Variants in GALNT9 observed in about 807,000 individuals in gnomAD.
GALNT9 encodes the protein GalNAc transferase 9.
In GALNT9, 47 loss-of-function variants were observed where a neutral mutation model predicts 63.1. The ratio of observed to expected loss-of-function variants is 0.75; its 90% CI spans 0.59 to 0.95. The LOEUF (loss-of-function observed/expected upper bound fraction) is 0.95. Ranked by LOEUF, GALNT9 falls within the 40% of genes least tolerant of loss-of-function variation. The pLI, the probability that GALNT9 is intolerant of heterozygous loss-of-function variation, is 0.00. For synonymous variants in GALNT9, 396 were observed against 365.7 expected (o/e 1.08, Z -0.94); for missense variants, 829 against 874.8 (o/e 0.95, Z 0.66).
chr12:132,197,268 A>G lies in GALNT9; in HGVS notation c.1666-15T>C, dbSNP rs61742577. The G allele has an allele frequency of 7.4e-3, 11,907 of 1,608,998 alleles. 421 individuals carry two copies. The highest frequency in any genetic ancestry group is 0.073 in the South Asian group (6,674 of 90,874). On this transcript the variant is annotated splice_polypyrimidine_tract_variant and intron_variant, in intron 10 of 10. Coordinates refer to ENST00000328957, the MANE Select transcript of GALNT9 (RefSeq NM_001122636.2). ...ATGGGGCCACTCTGTGGGGACAGGC[A>G]CATCAAGTCAGCCAGGTGCAGGCGT... is the stretch of plus-strand genomic sequence containing the variant.
intron 6 of GALNT9, among the ~76,000 whole-genome samples, chr12:132,229,974 T>C (rs1877831210): frequency 6.6e-6 from 1 of 152,092 alleles, no homozygotes. Flanking sequence ...ACACAAAGAA[T>C]GCACATTCCC....
At chr12:132,225,696 TAC>T (rs1468814728) in intron 6 of GALNT9, among the ~76,000 whole-genome samples, 13 of 104,304 alleles carry the variant, frequency 1.2e-4, no homozygotes, top group African/African-American at 5.0e-4. Context: ...ACACACCCCA[TAC>T]ACACACTGTA....
At chr12:132,288,469 A>G (rs1004682367) in intron 1 of GALNT9, among the ~76,000 whole-genome samples, 1 of 152,276 alleles carries the variant, frequency 6.6e-6, no homozygotes, top group Admixed American at 6.5e-5. Context: ...CACTTTGGAA[A>G]GTCTGGAATT....
chr12:132,329,319 G>A lies in GALNT9; in HGVS notation c.-116C>T. The A allele has an allele frequency of 7.1e-7, 1 of 1,407,128 alleles. No individual in the cohort carries two copies. Among genetic ancestry groups the A allele is most frequent in the South Asian group, 1.5e-5 (1 of 67,348 alleles). The allele number at this position is 1,407,128 out of a possible 1,614,324, so 87.2% of individuals were successfully genotyped here. A position where few individuals can be genotyped will look rare whatever the true frequency, so the allele number is the denominator to read the frequency against. ...GCCGCCCGGGGCTGCGGGGGCTGCG[G>A]GGCTCGGCCGGAGCTGTCCCTTCAG... On this transcript the variant is annotated 5_prime_UTR_variant, in exon 1 of 11. Coordinates refer to ENST00000328957, the MANE Select transcript of GALNT9 (RefSeq NM_001122636.2).
chr12:132,259,560 C>T (rs1198959406), intron 4 of GALNT9, among the ~76,000 whole-genome samples: 2 of 152,172 alleles, frequency 1.3e-5, no homozygotes, highest in Non-Finnish European at 2.9e-5. Context: ...GACTGAGATG[C>T]CCCAGGAAAG....
intron 1 of GALNT9, among the ~76,000 whole-genome samples, chr12:132,324,869 T>A (rs1868969065): frequency 6.6e-6 from 1 of 152,208 alleles, no homozygotes; most frequent in Non-Finnish European, 1.5e-5. Context: ...GAAGGCAGCC[T>A]GGGGAGATAC....
chr12:132,207,391 G>A (rs148503268), intron 6 of GALNT9, among the ~76,000 whole-genome samples: 4,937 of 152,292 alleles, frequency 0.032, 254 homozygotes, highest in African/African-American at 0.11. Context: ...AGCCACTTAC[G>A]GCCACTCTGT....
At chr12:132,229,560 G>A (rs1183209324) in intron 6 of GALNT9, among the ~76,000 whole-genome samples, 8 of 152,220 alleles carry the variant, frequency 5.3e-5, no homozygotes, top group South Asian at 2.1e-4. Context: ...GCACAGCCCC[G>A]CAGTAAGTCC....
Position 132,295,871 on chromosome 12 carries a change from C to T in GALNT9, c.239-9441G>A, listed in dbSNP as rs574450486. 3.9e-3 allele frequency among the ~76,000 whole-genome samples: 514 copies of T among 132,988 alleles called. 13 individuals carry two copies. The highest frequency in any genetic ancestry group is 0.014 in the African/African-American group (478 of 33,592). The allele number at this position is 132,988 out of a possible 152,430, so 87.2% of individuals were successfully genotyped here. On this transcript the variant is annotated intron_variant, in intron 1 of 10. Transcript: ENST00000328957. ...AACAGGGACGGCCTCCGAACAGGGA[C>T]GGCCTCCGGAACAGGGAGAGCCTCC... is the stretch of plus-strand genomic sequence containing the variant.
At chr12:132,293,923 T>A (rs1380483942) in intron 1 of GALNT9, among the ~76,000 whole-genome samples, 1 of 152,270 alleles carries the variant, frequency 6.6e-6, no homozygotes, top group Non-Finnish European at 1.5e-5. Flanking sequence ...GGACCCCATC[T>A]ACAGTCGGAG....
rs1593073430 is a variant in GALNT9, at chr12:132,230,288, G to GGAA, written c.1077+17621_1077+17622insTTC. Among the ~76,000 whole-genome samples, 10 of 152,334 alleles carry GGAA rather than the reference G, an allele frequency of 6.6e-5. No homozygotes were observed. In the East Asian group the frequency reaches 1.9e-3, roughly 29 times the overall value. On this transcript the variant is annotated intron_variant, in intron 6 of 10. Transcript: ENST00000328957. ...GTGATGGGGGCCGCCACACAGGACA[G>GGAA]CATCCGCCTTCCCGAGTTCCTGACC...
chr12:132,318,067 C>T (rs1026625570), intron 1 of GALNT9, among the ~76,000 whole-genome samples: 5 of 152,236 alleles, frequency 3.3e-5, no homozygotes, highest in Admixed American at 1.3e-4. Flanking sequence ...ATGGTGAAAC[C>T]CTGTCTCTAT....
intron 1 of GALNT9, among the ~76,000 whole-genome samples, chr12:132,293,584 C>T (rs1225388228): frequency 6.6e-6 from 1 of 152,236 alleles, no homozygotes; most frequent in African/African-American, 2.4e-5. Flanking sequence ...ACATTGAAAT[C>T]ACCAAAGCAC....
intron 1 of GALNT9, among the ~76,000 whole-genome samples, chr12:132,297,203 A>C (rs962543561): frequency 2.0e-4 from 30 of 150,434 alleles, no homozygotes; most frequent in Non-Finnish European, 3.3e-4. Context: ...TAACCAACTC[A>C]CTCTGAGATG....
Position 132,227,271 on chromosome 12 carries a change from G to A in GALNT9, c.1077+20639C>T, listed in dbSNP as rs1016928555. ...CTCCCCAGCTCGTCAGCAGAACCCC[G>A]GGGCACCAGCGTGCAGCTGTGCATG... On this transcript the variant is annotated intron_variant, in intron 6 of 10. Transcript: ENST00000328957. 4.3e-4 allele frequency among the ~76,000 whole-genome samples: 66 copies of A among 152,194 alleles called. No homozygotes were observed. The East Asian group carries it at 9.7e-3, about 22-fold the overall frequency.
chr12:132,248,683 C>A (rs1425811224), intron 5 of GALNT9, among the ~76,000 whole-genome samples: 1 of 152,258 alleles, frequency 6.6e-6, no homozygotes, highest in Non-Finnish European at 1.5e-5. Context: ...AACGACGCAG[C>A]TTGGAGCTGA....
chr12:132,289,911 G>A (rs1358075440), intron 1 of GALNT9, among the ~76,000 whole-genome samples: 1 of 152,218 alleles, frequency 6.6e-6, no homozygotes, highest in Non-Finnish European at 1.5e-5. Context: ...TGGAGATGGA[G>A]CTCAGGGGTC....
In GALNT9 at chr12:132,282,146, AGAG is replaced by A. The variant is rs1175250781; in HGVS notation, c.419+4101_419+4103del. Reference sequence around the variant, plus strand: ...CAGGCCTGGGGGTCCCCGATCCCACAGAGGAGGAATCAGCTCCACTACAGCAAG... The same window carrying A: ...CAGGCCTGGGGGTCCCCGATCCCACAGAGGAATCAGCTCCACTACAGCAAG... On this transcript the variant is annotated intron_variant, in intron 2 of 10. Coordinates refer to ENST00000328957, the MANE Select transcript of GALNT9 (RefSeq NM_001122636.2). This position sits in a 1 kb window ranked among gnomAD's most constrained non-coding sequence, Gnocchi z 4.5. Among the ~76,000 whole-genome samples the A allele has an allele frequency of 6.2e-5, 9 of 145,286 alleles. No individual in the cohort carries two copies. Among genetic ancestry groups the A allele is most frequent in the Admixed American group, 5.4e-4 (8 of 14,836 alleles).
At position 132,329,165 on chromosome 12, in the gene GALNT9, C is replaced by A. The variant is rs1555246771; in HGVS notation, c.39G>T (p.Val13=). ...CGATGCCCACGAACACCAGGATGTT[C>A]ACCGTCAGCAAAGTTCGGATCTTCC... ...VARKIRTLLT[V]NILVFVGIVL... The change falls in exon 1 of 11, where the codon GTG becomes GTT. Residue 13 remains valine, a synonymous_variant. Coordinates refer to ENST00000328957, the MANE Select transcript of GALNT9 (RefSeq NM_001122636.2). The A allele has an allele frequency of 1.3e-6, 2 of 1,548,904 alleles. No homozygotes were observed. The highest frequency in any genetic ancestry group is 2.7e-5 in the African/African-American group (2 of 72,918).
Sources: gnomAD v4.1 joint callset for allele counts (sites outside exome capture counted in the v4.1 genomes callset) on GRCh38, gnomAD v4.1.1 for gene constraint, Gnocchi (gnomAD v3.1) non-coding constraint, MANE v1.5 for transcripts, NCBI Gene and HGNC (gene_info 2026-07-23, HGNC 2026-07-21) for gene names.